Variants in QSOX1 observed in about 807,000 individuals in gnomAD.
QSOX1 encodes the protein quiescin sulfhydryl oxidase 1.
QSOX1 carries 40 observed loss-of-function variants against 76.1 expected under a neutral mutation model. The ratio of observed to expected loss-of-function variants is 0.53; its 90% CI spans 0.41 to 0.68. The LOEUF is 0.68. Among genes scored for constraint, QSOX1 ranks in the 30% least tolerant of loss-of-function variants. The pLI is 0.00. For synonymous variants in QSOX1, 392 were observed against 413.1 expected, an observed-to-expected ratio of 0.95 and a Z score of 0.62; for missense variants, 931 against 974.3, an observed-to-expected ratio of 0.96 and a Z score of 0.59.
intron 2 of QSOX1, among the ~76,000 whole-genome samples, chr1:180,167,550 G>A (rs1346680945): frequency 2.0e-5 from 3 of 152,114 alleles, no homozygotes; most frequent in African/African-American, 4.8e-5. Context: ...AAGTAAGGCC[G>A]TGGCTCCACC....
In QSOX1 at chr1:180,176,040, T is replaced by G; in HGVS notation, c.515+7T>G. 1.3e-6 allele frequency: 2 copies of G among 1,578,430 alleles called. No homozygotes were observed. Among genetic ancestry groups the G allele is most frequent in the Non-Finnish European group, 8.6e-7 (1 of 1,161,330 alleles). On this transcript the variant is annotated splice_region_variant and intron_variant, in intron 4 of 11. Coordinates refer to ENST00000367602, the MANE Select transcript of QSOX1 (RefSeq NM_002826.5). The stretch of plus-strand genomic sequence containing the variant: ...CCCCACTGGAGCCTGCCAAGTACTT[T>G]GGGCTGGGGCAGGCTTAGTGCATTG...
intron 4 of QSOX1, among the ~76,000 whole-genome samples, chr1:180,177,882 ATGTTT>A (rs3841815): frequency 0.73 from 110,802 of 151,250 alleles, 40,928 homozygotes; most frequent in Non-Finnish European, 0.78. Flanking sequence ...TGTTTTGGAT[ATGTTT>A]TGTTTTGTTT....
intron 8 of QSOX1, among the ~76,000 whole-genome samples, chr1:180,187,763 A>G (rs1229256354): frequency 2.0e-5 from 3 of 152,212 alleles, no homozygotes; most frequent in East Asian, 3.9e-4. Flanking sequence ...CCCTCGGGGT[A>G]GGGCTGGCAG....
chr1:180,169,123 G>A (rs1662705042), intron 2 of QSOX1, among the ~76,000 whole-genome samples: 1 of 152,246 alleles, frequency 6.6e-6, no homozygotes, highest in Non-Finnish European at 1.5e-5. Context: ...TGAAGGGCGG[G>A]CCAGCTGTGT....
In QSOX1 at chr1:180,197,101, C is replaced by A; in HGVS notation, c.*64C>A. The A allele has an allele frequency of 6.6e-7, 1 of 1,513,060 alleles. No homozygotes were observed. The highest frequency in any genetic ancestry group is 1.3e-5 in the South Asian group (1 of 77,320). 93.7% of individuals were successfully genotyped at this position (1,513,060 alleles called of 1,614,324 possible). On this transcript the variant is annotated 3_prime_UTR_variant, in exon 12 of 12. Coordinates refer to ENST00000367602, the MANE Select transcript of QSOX1 (RefSeq NM_002826.5). Reference sequence around the variant, plus strand: ...CTAGGCACCTCAAGCCCCCTGACCCCATTCCCTCCCCTCCCACCCCTTGCT... The same window carrying A: ...CTAGGCACCTCAAGCCCCCTGACCCAATTCCCTCCCCTCCCACCCCTTGCT...
intron 9 of QSOX1, 125 bp from the exon 10 acceptor site, chr1:180,190,308 C>CTAT: frequency 9.0e-7 from 1 of 1,109,112 alleles, no homozygotes; most frequent in Non-Finnish European, 1.3e-6. Context: ...AAGGGAAATG[C>CTAT]CACCTTCGAG....
In QSOX1 at chr1:180,200,102, T is replaced by C. The variant is rs1663602161; in HGVS notation, c.*3065T>C. The C allele has an allele frequency of 6.6e-6, 1 of 152,164 alleles. No homozygotes were observed. The highest frequency in any genetic ancestry group is 2.4e-5 in the African/African-American group (1 of 41,416). The allele number at this position is 152,164 out of a possible 1,614,324, so 9.4% of individuals were successfully genotyped here. A position where few individuals can be genotyped will look rare whatever the true frequency, so the allele number is the denominator to read the frequency against. On this transcript the variant is annotated 3_prime_UTR_variant, in exon 12 of 12. Transcript: ENST00000367602. ...GGTCAGGGTGGGGTCAAGTCCAGCC[T>C]TGAAGAGAATGGACTCTGGAATCTG...
At chr1:180,166,225 G>A (rs1052918228) in intron 1 of QSOX1, among the ~76,000 whole-genome samples, 1 of 152,214 alleles carries the variant, frequency 6.6e-6, no homozygotes, top group African/African-American at 2.4e-5. Context: ...GCCCCGATTA[G>A]TAATGGAGAA....
intron 1 of QSOX1, among the ~76,000 whole-genome samples, chr1:180,159,797 T>G (rs929384569): frequency 6.6e-6 from 1 of 152,166 alleles, no homozygotes; most frequent in African/African-American, 2.4e-5. Context: ...CCATCTTGGT[T>G]TGGTCTCTTG....
chr1:180,159,974 T>C (rs1011775150), intron 1 of QSOX1, among the ~76,000 whole-genome samples: 3 of 152,222 alleles, frequency 2.0e-5, no homozygotes, highest in Admixed American at 6.5e-5. Context: ...ACATCATTTA[T>C]AGGTTAAGGT....
intron 1 of QSOX1, among the ~76,000 whole-genome samples, chr1:180,157,238 G>A (rs1662394676): frequency 6.6e-6 from 1 of 152,254 alleles, no homozygotes; most frequent in Admixed American, 6.5e-5. Flanking sequence ...TCTCCTGTGA[G>A]CCATTGGTGT....
At position 180,154,942 on chromosome 1, in the gene QSOX1, C is replaced by T. The variant is rs763224419; in HGVS notation, c.35C>T (p.Pro12Leu). ...TGCAACAGCGGCTCCGGGCCGCCGC[C>T]GTCGCTGCTGCTGCTGCTGCTGTGG... ...RRCNSGSGPPPSLLLLLLWLL... is the reference protein window; with the variant it reads ...RRCNSGSGPPLSLLLLLLWLL... Residue 12 changes from proline (P) to leucine (L), a missense_variant, in exon 1 of 12, where the codon CCG becomes CTG. By Grantham distance (98) the Pro-to-Leu change is moderately conservative. Coordinates refer to ENST00000367602, the MANE Select transcript of QSOX1 (RefSeq NM_002826.5). 6.7e-6 allele frequency: 10 copies of T among 1,483,008 alleles called. No individual in the cohort carries two copies. The South Asian group carries it at 9.0e-5, about 13-fold the overall frequency. 91.9% of individuals were successfully genotyped at this position (1,483,008 alleles called of 1,614,324 possible). A position where few individuals can be genotyped will look rare whatever the true frequency, so the allele number is the denominator to read the frequency against.
chr1:180,178,521 C>T (rs1447171662), intron 4 of QSOX1, among the ~76,000 whole-genome samples: 1 of 152,260 alleles, frequency 6.6e-6, no homozygotes, highest in East Asian at 1.9e-4. Flanking sequence ...AGCCACCGCA[C>T]CCGGCCCACT....
chr1:180,182,085 G>T (rs1314977634), intron 5 of QSOX1, 89 bp from the exon 6 acceptor site: 10 of 1,353,366 alleles, frequency 7.4e-6, no homozygotes, highest in Non-Finnish European at 1.0e-6. Flanking sequence ...GCTGCCATCT[G>T]GGTGCCTTCA....
chr1:180,180,408 C>G (rs1026063382), intron 5 of QSOX1, among the ~76,000 whole-genome samples: 3 of 152,178 alleles, frequency 2.0e-5, no homozygotes, highest in Admixed American at 2.0e-4. Flanking sequence ...CGTGGTTTCA[C>G]CATTTTGGTC....
intron 1 of QSOX1, among the ~76,000 whole-genome samples, chr1:180,155,843 C>T (rs1662365556): frequency 6.6e-6 from 1 of 152,206 alleles, no homozygotes; most frequent in Non-Finnish European, 1.5e-5. Context: ...CGCTCAGACC[C>T]TTATATTTTA....
rs140074450 is a variant in QSOX1, at chr1:180,180,485, C to T, written c.606+1601C>T. Among the ~76,000 whole-genome samples, 4 of 152,284 alleles carry T rather than the reference C, an allele frequency of 2.6e-5. No homozygotes were observed. In the East Asian group the frequency reaches 7.7e-4, roughly 29 times the overall value. On this transcript the variant is annotated intron_variant, in intron 5 of 11. Coordinates refer to ENST00000367602, the MANE Select transcript of QSOX1 (RefSeq NM_002826.5). ...TCAGCCTCCCATAATGCTGGGATTA[C>T]AGACGTGAGCCACTGCGCCCAACCA...
intron 1 of QSOX1, among the ~76,000 whole-genome samples, chr1:180,161,578 C>T (rs12079539): frequency 0.029 from 4,465 of 152,246 alleles, 125 homozygotes; most frequent in East Asian, 0.094. Flanking sequence ...TTTCTGAATT[C>T]CAGAGAGGTC....
In QSOX1 at chr1:180,176,019, A is replaced by G. The variant is rs1238611028; in HGVS notation, c.501A>G (p.Pro167=). The G allele has an allele frequency of 6.3e-7, 1 of 1,594,982 alleles. No individual in the cohort carries two copies. Among genetic ancestry groups the G allele is most frequent in the Non-Finnish European group, 8.5e-7 (1 of 1,171,292 alleles). The change falls in exon 4 of 12, where the codon CCA becomes CCG. Residue 167 remains proline (P), a synonymous_variant. Coordinates refer to ENST00000367602, the MANE Select transcript of QSOX1 (RefSeq NM_002826.5). ...ACACGTGGCCCCCAGCCTGTCCCCC[A>G]CTGGAGCCTGCCAAGTACTTTGGGC... ...HHDTWPPACP[P]LEPAKLEEID... is the part of the protein sequence containing the mutation.
Sources: allele counts gnomAD v4.1 joint callset (sites outside exome capture counted in the v4.1 genomes callset), GRCh38; gene constraint gnomAD v4.1.1; transcripts MANE v1.5; gene names NCBI Gene and HGNC (gene_info 2026-07-23, HGNC 2026-07-21).